The following NCOA7 variants were observed in gnomAD, a reference collection of about 807,000 sequenced individuals.
The protein encoded by NCOA7 is 140 kDa estrogen receptor-associated protein.
In NCOA7, 45 loss-of-function variants were observed where a neutral mutation model predicts 104.3. The observed-to-expected ratio is 0.43, with a 90% CI of 0.34 to 0.55. The LOEUF is 0.55. Among genes scored for constraint, NCOA7 ranks in the 20% least tolerant of loss-of-function variants. NCOA7 has a pLI of 0.02. For synonymous variants in NCOA7, 398 were observed against 402.3 expected (o/e 0.99, Z 0.13); for missense variants, 1,041 against 1,119.7 (o/e 0.93, Z 1.00).
chr6:125,847,417 G>C (rs1298724191), intron 2 of NCOA7, among the ~76,000 whole-genome samples: 1 of 152,148 alleles, frequency 6.6e-6, no homozygotes, highest in Non-Finnish European at 1.5e-5. Context: ...TCGGTGACTG[G>C]CTGGTGGCTA....
At chr6:125,923,027 C>A (rs1787726022) in intron 13 of NCOA7, among the ~76,000 whole-genome samples, 193 bp downstream of exon 13, 1 of 152,136 alleles carries the variant, frequency 6.6e-6, no homozygotes, top group African/African-American at 2.4e-5. Context: ...TGGCATTTCA[C>A]CCCTACATAT....
intron 8 of NCOA7, among the ~76,000 whole-genome samples, chr6:125,885,660 A>G (rs1784198530): frequency 6.6e-6 from 1 of 152,242 alleles, no homozygotes; most frequent in Non-Finnish European, 1.5e-5. Context: ...CAGTTCTCTG[A>G]AAGAAGTTTA....
At chr6:125,852,190 T>G (rs1470717607) in intron 2 of NCOA7, among the ~76,000 whole-genome samples, 1 of 151,988 alleles carries the variant, frequency 6.6e-6, no homozygotes, top group Non-Finnish European at 1.5e-5. Context: ...CCGGAAGAGT[T>G]TTTTTGTTTG....
Position 125,815,309 on chromosome 6 carries a change from A to T in NCOA7, c.-46A>T. On this transcript the variant is annotated 5_prime_UTR_variant, in exon 2 of 16. An upstream open reading frame in the 5' UTR loses its in-frame stop. Transcript: ENST00000392477. ...CTTACAGGGTTACGACTCACTGATT[A>T]AAAAGAGGGACTTTTTCAAATACTT... 6.7e-7 allele frequency: 1 copy of T among 1,489,798 alleles called. No individual in the cohort carries two copies. The highest frequency in any genetic ancestry group is 9.2e-7 in the Non-Finnish European group (1 of 1,084,120). The allele number at this position is 1,489,798 out of a possible 1,614,324, so 92.3% of individuals were successfully genotyped here.
chr6:125,843,374 A>G (rs1780334931), intron 2 of NCOA7, among the ~76,000 whole-genome samples: 1 of 152,100 alleles, frequency 6.6e-6, no homozygotes, highest in Admixed American at 6.6e-5. Context: ...CTGATTTTAG[A>G]CTTCTGACCT....
At chr6:125,819,239 C>T (rs505683) in intron 2 of NCOA7, among the ~76,000 whole-genome samples, 87,669 of 151,828 alleles carry the variant, frequency 0.58, 29,515 homozygotes, top group East Asian at 0.86. Flanking sequence ...GTTTTGTTGA[C>T]GTTTCGCTCT....
At chr6:125,888,770 CTTGAT>C (rs1354487917) in intron 8 of NCOA7, among the ~76,000 whole-genome samples, 164 bp from the exon 9 acceptor site, 1 of 151,976 alleles carries the variant, frequency 6.6e-6, no homozygotes, top group Admixed American at 6.6e-5. Flanking sequence ...AAATCAATTT[CTTGAT>C]TTTATTTTTT....
rs750909063 is a variant in NCOA7 at position 125,915,381 on chromosome 6, T to C, written c.2145T>C (p.Tyr715=). 6.2e-7 allele frequency: 1 copy of C among 1,613,892 alleles called. No individual in the cohort carries two copies. The highest frequency in any genetic ancestry group is 8.5e-7 in the Non-Finnish European group (1 of 1,179,846). Residue 715 remains tyrosine (Y), a synonymous_variant, in exon 11 of 16, where the codon TAT becomes TAC. Transcript: ENST00000392477. ...TFFVQWSPDV[Y]GKDAKEQGFV... ...TTGTTCAGTGGTCTCCCGATGTCTATGGAAAAGATGCCAAAGAGCAAGGCT... is the reference window on the plus strand; with the variant it reads ...TTGTTCAGTGGTCTCCCGATGTCTACGGAAAAGATGCCAAAGAGCAAGGCT...
At chr6:125,849,720 A>G (rs981858763) in intron 2 of NCOA7, among the ~76,000 whole-genome samples, 4 of 152,240 alleles carry the variant, frequency 2.6e-5, no homozygotes, top group Admixed American at 6.5e-5. Flanking sequence ...GATAGAATTG[A>G]CAAGTCTTGA....
At chr6:125,885,662 A>G (rs1213321052) in intron 8 of NCOA7, among the ~76,000 whole-genome samples, 1 of 152,238 alleles carries the variant, frequency 6.6e-6, no homozygotes, top group Non-Finnish European at 1.5e-5. Context: ...GTTCTCTGAA[A>G]GAAGTTTATC....
At chr6:125,846,716 C>CG (rs1297452962) in intron 2 of NCOA7, among the ~76,000 whole-genome samples, 1 of 152,222 alleles carries the variant, frequency 6.6e-6, no homozygotes, top group East Asian at 1.9e-4. Context: ...AGAGGGGCTT[C>CG]GGGGAGGCCC....
At chr6:125,875,063 C>T (rs1402693021) in intron 4 of NCOA7, 95 bp downstream of exon 4, 7 of 853,788 alleles carry the variant, frequency 8.2e-6, no homozygotes, top group African/African-American at 3.4e-5. Flanking sequence ...CTGCATTCCT[C>T]TTGTGTACCC....
intron 11 of NCOA7, chr6:125,919,140 G>T: frequency 1.8e-6 from 2 of 1,120,792 alleles, no homozygotes; most frequent in Non-Finnish European, 2.5e-6. Flanking sequence ...GCGATGCCTG[G>T]CAGGAAGTGT....
At chr6:125,927,216 A>G (rs1788109030) in intron 13 of NCOA7, among the ~76,000 whole-genome samples, 1 of 152,210 alleles carries the variant, frequency 6.6e-6, no homozygotes. Context: ...TCTCTGGGGA[A>G]ATGCCCAGCC....
At chr6:125,792,238 T>G (rs571655499) in intron 1 of NCOA7, among the ~76,000 whole-genome samples, 6 of 152,364 alleles carry the variant, frequency 3.9e-5, no homozygotes, top group African/African-American at 1.4e-4. Flanking sequence ...AATTGCCTCT[T>G]TGTATAAATA....
chr6:125,845,847 T>G (rs918286086), intron 2 of NCOA7, among the ~76,000 whole-genome samples: 1 of 152,232 alleles, frequency 6.6e-6, no homozygotes, highest in Non-Finnish European at 1.5e-5. Flanking sequence ...CCTGTATATA[T>G]CCATATCTAT....
intron 10 of NCOA7, among the ~76,000 whole-genome samples, chr6:125,899,230 C>A (rs1785290134): frequency 1.3e-5 from 2 of 152,120 alleles, no homozygotes; most frequent in South Asian, 4.1e-4. Context: ...CTTAACAGCA[C>A]CTTTTCTTAG....
At chr6:125,856,362 GT>G (rs60031674) in intron 3 of NCOA7, among the ~76,000 whole-genome samples, 61,950 of 151,276 alleles carry the variant, frequency 0.41, 13,314 homozygotes, top group East Asian at 0.49. Flanking sequence ...TGTTTTTTGT[GT>G]TTTTTTTGAG....
intron 2 of NCOA7, among the ~76,000 whole-genome samples, chr6:125,824,801 C>T (rs1288927143): frequency 6.6e-6 from 1 of 152,048 alleles, no homozygotes. Context: ...CTCTGTTGCC[C>T]AGGCTGGAGT....
Sources: allele counts gnomAD v4.1 joint callset (sites outside exome capture counted in the v4.1 genomes callset), GRCh38; gene constraint gnomAD v4.1.1; transcripts MANE v1.5; gene names NCBI Gene and HGNC (gene_info 2026-07-23, HGNC 2026-07-21).